Variants in TTC29 observed in about 807,000 individuals in gnomAD.
TTC29 encodes the protein tetratricopeptide repeat domain 29.
TTC29 carries 49 observed loss-of-function variants against 58.1 expected under a neutral mutation model. The observed-to-expected ratio is 0.84, with a 90% CI of 0.67 to 1.07. The LOEUF is 1.07. TTC29 is among the 50% of genes least tolerant of loss of function. The probability of loss-of-function intolerance (pLI) is 0.00; values close to 1 mark genes in which losing one functional copy is unlikely to be tolerated. For missense variants in TTC29, 582 were observed against 555.6 expected, an observed-to-expected ratio of 1.05 and a Z score of -0.48; for synonymous variants, 209 against 196.8, an observed-to-expected ratio of 1.06 and a Z score of -0.52.
chr4:146,942,221 T>A (rs1336599497), intron 2 of TTC29, among the ~76,000 whole-genome samples: 1 of 152,170 alleles, frequency 6.6e-6, no homozygotes, highest in African/African-American at 2.4e-5. Flanking sequence ...GCCCACTTAT[T>A]TTATGCAGTT....
At chr4:146,798,886 C>CAAAA (rs70958529) in intron 11 of TTC29, among the ~76,000 whole-genome samples, 3 of 18,260 alleles carry the variant, frequency 1.6e-4, no homozygotes, top group African/African-American at 4.3e-4. Flanking sequence ...GACTCCGTCT[C>CAAAA]AAAAAAAAAA....
At chr4:146,938,945 A>C (rs1014360927) in intron 3 of TTC29, among the ~76,000 whole-genome samples, 8 of 152,244 alleles carry the variant, frequency 5.3e-5, no homozygotes, top group African/African-American at 1.7e-4. Flanking sequence ...GATAATTATG[A>C]CAAAATGTAT....
At chr4:146,721,197 T>A (rs2150005159) in intron 11 of TTC29, among the ~76,000 whole-genome samples, 1 of 152,236 alleles carries the variant, frequency 6.6e-6, no homozygotes, top group East Asian at 1.9e-4. Flanking sequence ...CTTGTCCCAA[T>A]AAAAATAGTC....
chr4:146,848,360 T>G (rs571706831), intron 8 of TTC29, among the ~76,000 whole-genome samples: 1 of 152,242 alleles, frequency 6.6e-6, no homozygotes, highest in Non-Finnish European at 1.5e-5. Context: ...CACAGTTTAC[T>G]GTGTAATATT....
At chr4:146,880,359 T>A (rs967374696) in intron 6 of TTC29, among the ~76,000 whole-genome samples, 59 of 152,064 alleles carry the variant, frequency 3.9e-4, no homozygotes, top group Non-Finnish European at 1.0e-4. Context: ...GAACAAGCAC[T>A]CAAAATAAAA....
intron 11 of TTC29, among the ~76,000 whole-genome samples, chr4:146,757,319 C>T (rs1482314459): frequency 2.0e-5 from 3 of 152,062 alleles, no homozygotes; most frequent in African/African-American, 7.2e-5. Context: ...TGGGTCTAGC[C>T]ACCTAGTGAG....
chr4:146,726,330 G>T (rs1201172497), intron 11 of TTC29, among the ~76,000 whole-genome samples: 3 of 152,102 alleles, frequency 2.0e-5, no homozygotes, highest in Non-Finnish European at 4.4e-5. Flanking sequence ...GTGCACGCCT[G>T]TAATCCCCGC....
chr4:146,776,592 C>T (rs1748113803), intron 11 of TTC29, among the ~76,000 whole-genome samples: 1 of 152,142 alleles, frequency 6.6e-6, no homozygotes, highest in African/African-American at 2.4e-5. Context: ...CTATGGAGGG[C>T]CAGTACTGGA....
Position 146,731,938 on chromosome 4 carries a change from T to C in TTC29, c.1331-24387A>G, listed in dbSNP as rs1167539160. ...CACATTGTATGTGTTTGTAGCAATG[T>C]CATCTGCTAATGGCAAGTCATTCTT... On this transcript the variant is annotated intron_variant, in intron 11 of 12. Coordinates refer to ENST00000325106, the MANE Select transcript of TTC29 (RefSeq NM_031956.4). 3.9e-5 allele frequency among the ~76,000 whole-genome samples: 6 copies of C among 152,332 alleles called. No individual in the cohort carries two copies. The South Asian group carries it at 1.2e-3, about 32-fold the overall frequency.
chr4:146,802,963 A>C (rs956982785), intron 11 of TTC29, among the ~76,000 whole-genome samples: 1 of 152,206 alleles, frequency 6.6e-6, no homozygotes, highest in African/African-American at 2.4e-5. Flanking sequence ...TTGAATAAGA[A>C]AAAGCATGTG....
At chr4:146,885,019 T>C (rs1444616817) in intron 6 of TTC29, among the ~76,000 whole-genome samples, 1 of 152,076 alleles carries the variant, frequency 6.6e-6, no homozygotes, top group Non-Finnish European at 1.5e-5. Flanking sequence ...AAAGATGTTA[T>C]TATCTCATAC....
intron 4 of TTC29, among the ~76,000 whole-genome samples, chr4:146,924,058 C>T (rs558846977): frequency 5.9e-5 from 9 of 151,766 alleles, no homozygotes; most frequent in African/African-American, 1.2e-4. Context: ...GCAAATATTA[C>T]TGGTTTTATT....
intron 11 of TTC29, among the ~76,000 whole-genome samples, chr4:146,792,391 T>A (rs922084879): frequency 6.6e-6 from 1 of 152,192 alleles, no homozygotes; most frequent in African/African-American, 2.4e-5. Flanking sequence ...ATCAAGTCTG[T>A]TGTAGCATGG....
intron 8 of TTC29, among the ~76,000 whole-genome samples, chr4:146,850,295 G>A (rs1729436877): frequency 6.6e-6 from 1 of 152,162 alleles, no homozygotes. Flanking sequence ...TAGAGATGAA[G>A]CCACAGGGCC....
chr4:146,897,905 T>C (rs1269068276), intron 6 of TTC29, among the ~76,000 whole-genome samples: 3 of 152,174 alleles, frequency 2.0e-5, no homozygotes, highest in African/African-American at 7.2e-5. Context: ...TGTCAGCCTT[T>C]GGGAGTTGGT....
chr4:146,816,667 G>A (rs1751430431), intron 10 of TTC29, among the ~76,000 whole-genome samples: 1 of 152,010 alleles, frequency 6.6e-6, no homozygotes, highest in Non-Finnish European at 1.5e-5. Flanking sequence ...GGACTTTTTA[G>A]ATTTCAAGTA....
rs926808955 is a variant in TTC29, at chr4:146,809,523, G to A, written c.1102-5838C>T. Among the ~76,000 whole-genome samples, 38 of 148,936 alleles carry A rather than the reference G, an allele frequency of 2.6e-4. 2 individuals carry two copies. In the East Asian group the frequency reaches 4.2e-3, roughly 16 times the overall value. ...GGCTAAAATCCAGAATCGACAAAGG[G>A]CTAAAATCCAGAATCTACAAAGAAC... On this transcript the variant is annotated intron_variant, in intron 10 of 12. Transcript: ENST00000325106.
chr4:146,850,057 A>G (rs1242437455), intron 8 of TTC29, among the ~76,000 whole-genome samples: 2 of 152,138 alleles, frequency 1.3e-5, no homozygotes, highest in African/African-American at 4.8e-5. Context: ...ATTATGTTTC[A>G]TCTTCATTGT....
chr4:146,761,972 A>G (rs931999726), intron 11 of TTC29, among the ~76,000 whole-genome samples: 1 of 151,948 alleles, frequency 6.6e-6, no homozygotes, highest in African/African-American at 2.4e-5. Context: ...AAAAACAAAA[A>G]CAAAAACAAA....
Sources: gnomAD v4.1 joint callset for allele counts (sites outside exome capture counted in the v4.1 genomes callset) on GRCh38, gnomAD v4.1.1 for gene constraint, MANE v1.5 for transcripts, NCBI Gene and HGNC (gene_info 2026-07-23, HGNC 2026-07-21) for gene names.